The following NRG1 variants were observed in gnomAD, a reference collection of about 807,000 sequenced individuals.
NRG1 encodes the protein pro-neuregulin-1, membrane-bound isoform.
Under a neutral mutation model 63.8 loss-of-function variants are expected in NRG1, and 18 were observed. The observed-to-expected ratio is 0.28, with a 90% CI of 0.19 to 0.42. The LOEUF (loss-of-function observed/expected upper bound fraction) is 0.42. NRG1 is among the 10% of genes least tolerant of loss of function. The probability of loss-of-function intolerance (pLI) is 1.00; values close to 1 mark genes in which losing one functional copy is unlikely to be tolerated. For missense variants in NRG1, 762 were observed against 814.7 expected, an observed-to-expected ratio of 0.94 and a Z score of 0.79; for synonymous variants, 302 against 301.3, an observed-to-expected ratio of 1.00 and a Z score of -0.02.
At chr8:32,576,437 A>G (rs933793896) in intron 1 of NRG1, among the ~76,000 whole-genome samples, 5 of 152,210 alleles carry the variant, frequency 3.3e-5, no homozygotes, top group African/African-American at 7.2e-5. Context: ...CCCAATGCCA[A>G]TTGAACCATA....
At chr8:32,529,058 T>C (rs1475156987) in intron 1 of NRG1, among the ~76,000 whole-genome samples, 1 of 152,220 alleles carries the variant, frequency 6.6e-6, no homozygotes, top group African/African-American at 2.4e-5. Flanking sequence ...GTGAACATCA[T>C]AGGGTATATT....
chr8:32,736,175 A>C (rs1825005239), intron 6 of NRG1, among the ~76,000 whole-genome samples: 1 of 152,246 alleles, frequency 6.6e-6, no homozygotes, highest in Admixed American at 6.5e-5. Flanking sequence ...GATGCTAGAA[A>C]GAACGCTAAA....
intron 1 of NRG1, among the ~76,000 whole-genome samples, chr8:32,585,208 AAAAT>A (rs1213342190): frequency 6.6e-6 from 1 of 152,176 alleles, no homozygotes; most frequent in African/African-American, 2.4e-5. Context: ...GCATAAGAAA[AAAAT>A]CCTGTTTTAT....
intron 7 of NRG1, among the ~76,000 whole-genome samples, chr8:32,748,118 A>C (rs1827841052): frequency 6.6e-6 from 1 of 151,998 alleles, no homozygotes; most frequent in African/African-American, 2.4e-5. Flanking sequence ...TCTCTATATG[A>C]GGTACTTTTT....
chr8:32,140,259 AT>A (rs1020196261), intron 1 of NRG1, among the ~76,000 whole-genome samples: 28 of 150,352 alleles, frequency 1.9e-4, no homozygotes, highest in East Asian at 7.8e-4. Flanking sequence ...GTGGTGTATC[AT>A]TTTTTTTTAA....
At chr8:32,434,755 G>A (rs895260605) in intron 1 of NRG1, among the ~76,000 whole-genome samples, 16 of 151,744 alleles carry the variant, frequency 1.1e-4, no homozygotes, top group Admixed American at 9.9e-4. Flanking sequence ...CATATCTGGG[G>A]ATTCTACATT....
intron 1 of NRG1, among the ~76,000 whole-genome samples, chr8:31,813,322 C>A (rs1823069712): frequency 6.6e-6 from 1 of 151,944 alleles, no homozygotes; most frequent in African/African-American, 2.4e-5. Flanking sequence ...ACATGTGATA[C>A]TTTGGTGCAG....
intron 1 of NRG1, among the ~76,000 whole-genome samples, chr8:32,310,777 C>G (rs1169595928): frequency 1.3e-5 from 2 of 152,200 alleles, no homozygotes; most frequent in Non-Finnish European, 2.9e-5. Flanking sequence ...CCAGGCTTCT[C>G]AGCTTGATGT....
intron 1 of NRG1, among the ~76,000 whole-genome samples, chr8:31,846,033 C>T (rs1826656709): frequency 6.6e-6 from 1 of 152,204 alleles, no homozygotes; most frequent in African/African-American, 2.4e-5. Flanking sequence ...AAGACATCCC[C>T]ATGAAAGGGC....
intron 1 of NRG1, among the ~76,000 whole-genome samples, chr8:32,478,691 G>C (rs537627851): frequency 6.6e-6 from 1 of 152,096 alleles, no homozygotes; most frequent in African/African-American, 2.4e-5. Flanking sequence ...TGATGACAGC[G>C]GGATAAAGAC....
chr8:32,165,403 C>A (rs1205480722), intron 1 of NRG1, among the ~76,000 whole-genome samples: 1 of 152,088 alleles, frequency 6.6e-6, no homozygotes, highest in Admixed American at 6.6e-5. Flanking sequence ...TTTGCCCTCC[C>A]AAAGTGCTGG....
intron 1 of NRG1, among the ~76,000 whole-genome samples, chr8:32,076,201 A>G (rs1400185952): frequency 1.3e-5 from 2 of 152,148 alleles, no homozygotes; most frequent in African/African-American, 4.8e-5. Flanking sequence ...TGACCCTTTC[A>G]TGAGCAAAGC....
At chr8:31,672,344 A>G (rs1807242909) in intron 1 of NRG1, among the ~76,000 whole-genome samples, 1 of 152,180 alleles carries the variant, frequency 6.6e-6, no homozygotes, top group Non-Finnish European at 1.5e-5. Context: ...ATTGGCAGGC[A>G]TTATTTATTC....
chr8:32,567,584 A>G (rs73234156), intron 1 of NRG1, among the ~76,000 whole-genome samples: 9,297 of 152,282 alleles, frequency 0.061, 353 homozygotes, highest in Middle Eastern at 0.11. Flanking sequence ...ATCTATGTAG[A>G]TGAGTTTGGA....
At chr8:32,580,900 T>C (rs1429401159) in intron 1 of NRG1, among the ~76,000 whole-genome samples, 2 of 152,172 alleles carry the variant, frequency 1.3e-5, no homozygotes, top group Non-Finnish European at 1.5e-5. Context: ...TATATACTGA[T>C]TTAGTGATCA....
chr8:32,133,982 T>C (rs1457089911), intron 1 of NRG1, among the ~76,000 whole-genome samples: 1 of 152,152 alleles, frequency 6.6e-6, no homozygotes, highest in African/African-American at 2.4e-5. Context: ...TGTCTGTAAC[T>C]TTATTAACTT....
In NRG1 at chr8:32,612,647, A is replaced by T. The variant is rs969764718; in HGVS notation, c.401-1867A>T. On this transcript the variant is annotated intron_variant, in intron 3 of 11. Coordinates refer to ENST00000356819, the Ensembl canonical transcript of NRG1. Reference sequence around the variant, plus strand: ...GTTAACCTTCCCTCTAATCTGAGGTATTTTTTGCTGGAGATAGAAAAGTTC... The same window carrying T: ...GTTAACCTTCCCTCTAATCTGAGGTTTTTTTTGCTGGAGATAGAAAAGTTC... 2.0e-5 allele frequency among the ~76,000 whole-genome samples: 3 copies of T among 151,876 alleles called. No individual in the cohort carries two copies. In the East Asian group the frequency reaches 5.8e-4, roughly 29 times the overall value.
intron 1 of NRG1, among the ~76,000 whole-genome samples, chr8:32,125,648 T>C (rs1263953852): frequency 2.0e-5 from 3 of 151,874 alleles, no homozygotes; most frequent in African/African-American, 7.2e-5. Flanking sequence ...TTTACCTGTT[T>C]GTTGATTCTT....
intron 1 of NRG1, among the ~76,000 whole-genome samples, chr8:32,464,042 G>T (rs2129489573): frequency 6.6e-6 from 1 of 151,166 alleles, no homozygotes; most frequent in African/African-American, 2.4e-5. Flanking sequence ...ACAGGTGCCT[G>T]CCACCATGAC....
Sources: gnomAD v4.1 joint callset for allele counts (sites outside exome capture counted in the v4.1 genomes callset) on GRCh38, gnomAD v4.1.1 for gene constraint, MANE v1.5 for transcripts, NCBI Gene and HGNC (gene_info 2026-07-23, HGNC 2026-07-21) for gene names.